PRMT1: variants seen among roughly 807,000 people sequenced by gnomAD.
The protein encoded by PRMT1 is protein arginine methyltransferase 1.
A neutral mutation model predicts 47.4 loss-of-function variants in PRMT1; 5 were observed. That is an observed-to-expected ratio of 0.11 (90% CI 0.06 to 0.22). The LOEUF (loss-of-function observed/expected upper bound fraction) is 0.22, where lower values mean the gene tolerates loss of function less well. PRMT1 is among the 10% of genes least tolerant of loss of function. The pLI, the probability that PRMT1 is intolerant of heterozygous loss-of-function variation, is 1.00. For missense variants in PRMT1, 249 were observed against 518.4 expected, an observed-to-expected ratio of 0.48 and a Z score of 5.05; for synonymous variants, 227 against 204.6, an observed-to-expected ratio of 1.11 and a Z score of -0.94.
At position 49,686,203 on chromosome 19, in the gene PRMT1, C is replaced by G; in HGVS notation, c.870C>G (p.Ile290Met). 3 of 1,611,964 alleles carry G rather than the reference C, an allele frequency of 1.9e-6. No homozygotes were observed. Among genetic ancestry groups the G allele is most frequent in the Non-Finnish European group, 2.5e-6 (3 of 1,178,996 alleles). ...YVHALVAYFN[I>M]EFTRCHKRTG... is the part of the protein sequence containing the mutation. ...ACGCCCTGGTGGCCTACTTCAACATCGAGTTCACACGCTGCCACAAGAGGA... is the reference window on the plus strand; with the variant it reads ...ACGCCCTGGTGGCCTACTTCAACATGGAGTTCACACGCTGCCACAAGAGGA... The change falls in exon 9 of 11, where the codon ATC becomes ATG. Residue 290 changes from isoleucine to methionine, a missense_variant. This residue lies in a region of PRMT1 where 190 missense variants were observed against 456.7 expected (regional missense o/e 0.42). Coordinates refer to ENST00000454376, the MANE Select transcript of PRMT1 (RefSeq NM_001536.6).
In PRMT1 at chr19:49,688,345, T is replaced by C; in HGVS notation, c.*100T>C. 1 of 1,193,056 alleles carries C rather than the reference T, an allele frequency of 8.4e-7. No homozygotes were observed. The highest frequency in any genetic ancestry group is 1.2e-6 in the Non-Finnish European group (1 of 810,666). The allele number at this position is 1,193,056 out of a possible 1,614,324, so 73.9% of individuals were successfully genotyped here. A position where few individuals can be genotyped will look rare whatever the true frequency, so the allele number is the denominator to read the frequency against. ...CCCTCCCTCCCGCAGAAGGGGGTTT[T>C]AGGGGCCTGGGCTGGGGGGATGGGG... is the stretch of plus-strand genomic sequence containing the variant. On this transcript the variant is annotated 3_prime_UTR_variant, in exon 11 of 11. Transcript: ENST00000454376. The surrounding 1 kb of genome is among the most constrained non-coding windows in gnomAD (Gnocchi z 5.3).
Position 49,680,318 on chromosome 19 carries a change from G to T in PRMT1, c.91-169G>T. The T allele has an allele frequency of 7.8e-7, 1 of 1,282,254 alleles. No individual in the cohort carries two copies. The highest frequency in any genetic ancestry group is 1.1e-6 in the Non-Finnish European group (1 of 888,828). The allele number at this position is 1,282,254 out of a possible 1,614,324, so 79.4% of individuals were successfully genotyped here. A position where few individuals can be genotyped will look rare whatever the true frequency, so the allele number is the denominator to read the frequency against. On this transcript the variant is annotated intron_variant, in intron 2 of 10. Coordinates refer to ENST00000454376, the MANE Select transcript of PRMT1 (RefSeq NM_001536.6). This position sits in a 1 kb window ranked among gnomAD's most constrained non-coding sequence, Gnocchi z 4.2. ...CTGGAAGTGGAAAATGGGGTTGTTAGGTTTTGGGGTTCCTGGGGGGGCAAG... is the reference window on the plus strand; with the variant it reads ...CTGGAAGTGGAAAATGGGGTTGTTATGTTTTGGGGTTCCTGGGGGGGCAAG...
At chr19:49,683,667 G>T (rs2082157502) in intron 5 of PRMT1, 1 of 352,534 alleles carries the variant, frequency 2.8e-6, no homozygotes, top group Middle Eastern at 9.1e-4. Context: ...CAGCCTGGGT[G>T]ACAGAGCAAG....
upstream of PRMT1, among the ~76,000 whole-genome samples, chr19:49,676,894 A>T (rs2122915736): frequency 6.6e-6 from 1 of 152,224 alleles, no homozygotes; most frequent in South Asian, 2.1e-4. Context: ...TTGGTGATGG[A>T]CAGGTGTTTC....
At position 49,685,885 on chromosome 19, in the gene PRMT1, A is replaced by G. The variant is rs2082197327; in HGVS notation, c.760-208A>G. 1 of 1,400,930 alleles carries G rather than the reference A, an allele frequency of 7.1e-7. No individual in the cohort carries two copies. The highest frequency in any genetic ancestry group is 3.1e-5 in the Admixed American group (1 of 31,954). The allele number at this position is 1,400,930 out of a possible 1,614,324, so 86.8% of individuals were successfully genotyped here. ...TTTGGGTGTTGGAGAGGAGGGAGCA[A>G]GGAATCTGGGCTCGAACCCACATGG... On this transcript the variant is annotated intron_variant, in intron 8 of 10. Transcript: ENST00000454376. This position sits in a 1 kb window ranked among gnomAD's most constrained non-coding sequence, Gnocchi z 4.7.
chr19:49,685,988 G>C lies in PRMT1; in HGVS notation c.760-105G>C. The stretch of plus-strand genomic sequence containing the variant: ...GGTGCCAGTGAGGGAGGGCTAGCAG[G>C]AAGGGGACAGCGAGGTCACAGGCCC... On this transcript the variant is annotated intron_variant, in intron 8 of 10. Coordinates refer to ENST00000454376, the MANE Select transcript of PRMT1 (RefSeq NM_001536.6). This position sits in a 1 kb window ranked among gnomAD's most constrained non-coding sequence, Gnocchi z 4.7. 1 of 1,515,042 alleles carries C rather than the reference G, an allele frequency of 6.6e-7. No individual in the cohort carries two copies. The highest frequency in any genetic ancestry group is 1.3e-5 in the South Asian group (1 of 76,644). The allele number at this position is 1,515,042 out of a possible 1,614,324, so 93.8% of individuals were successfully genotyped here.
chr19:49,676,784 C>G (rs1212209411), upstream of PRMT1, among the ~76,000 whole-genome samples: 1 of 152,190 alleles, frequency 6.6e-6, no homozygotes, highest in Admixed American at 6.5e-5. Flanking sequence ...GGCCAATTGC[C>G]GTGTTCTCCT....
intron 9 of PRMT1, 78 bp downstream of exon 9, chr19:49,686,321 G>C: frequency 1.7e-5 from 25 of 1,483,074 alleles, no homozygotes; most frequent in Non-Finnish European, 2.3e-5. Context: ...GGGGGTGACA[G>C]AAACGGGCAG....
chr19:49,679,949 C>A, intron 2 of PRMT1, 24 bp downstream of exon 2: 1 of 1,595,966 alleles, frequency 6.3e-7, no homozygotes, highest in East Asian at 2.2e-5. Context: ...TGTGAGACCC[C>A]TCCCCACCCT....
At chr19:49,677,146 G>C (rs2082045931), upstream of PRMT1, 2 of 769,826 alleles carry the variant, frequency 2.6e-6, no homozygotes. Context: ...CAGACGGGCC[G>C]CCTCCATTGC....
chr19:49,687,078 A>T (rs1393645905), intron 10 of PRMT1, among the ~76,000 whole-genome samples: 1 of 152,120 alleles, frequency 6.6e-6, no homozygotes, highest in Non-Finnish European at 1.5e-5. Flanking sequence ...AGCAGGGCAG[A>T]CAGGTGTTGG....
chr19:49,681,089 G>A lies in PRMT1; in HGVS notation c.192+501G>A, dbSNP rs1599941250. Among the ~76,000 whole-genome samples, 1 of 152,120 alleles carries A rather than the reference G, an allele frequency of 6.6e-6. No homozygotes were observed. On this transcript the variant is annotated intron_variant, in intron 3 of 10. Transcript: ENST00000454376. The surrounding 1 kb of genome is among the most constrained non-coding windows in gnomAD (Gnocchi z 4.4). ...TTTTTAGAGACGGTCTCGCTCTGTC[G>A]CCCAGGCTAGAGTGCATTGGTGCAA...
In PRMT1 at chr19:49,686,107, T is replaced by C. The variant is rs769734329; in HGVS notation, c.774T>C (p.Tyr258=). Residue 258 remains tyrosine, a synonymous_variant, in exon 9 of 11, where the codon TAT becomes TAC. Coordinates refer to ENST00000454376, the MANE Select transcript of PRMT1 (RefSeq NM_001536.6). ...ATGTCCTGCAGGAGGTGGACATCTA[T>C]ACCGTCAAGGTGGAAGACCTGACCT... is the stretch of plus-strand genomic sequence containing the variant. ...NACLIKEVDI[Y]TVKVEDLTFT... 1 of 1,613,844 alleles carries C rather than the reference T, an allele frequency of 6.2e-7. No individual in the cohort carries two copies. Among genetic ancestry groups the C allele is most frequent in the Non-Finnish European group, 8.5e-7 (1 of 1,179,826 alleles).
rs1568488848 is a variant in PRMT1, at chr19:49,685,498, T to G, written c.759+461T>G. 1 of 1,022,170 alleles carries G rather than the reference T, an allele frequency of 9.8e-7. No individual in the cohort carries two copies. Among genetic ancestry groups the G allele is most frequent in the Non-Finnish European group, 1.2e-6 (1 of 851,984 alleles). 63.3% of individuals were successfully genotyped at this position (1,022,170 alleles called of 1,614,324 possible). A position where few individuals can be genotyped will look rare whatever the true frequency, so the allele number is the denominator to read the frequency against. ...GCACTCCAGCTTTGGTGACAATGTT[T>G]TGTTTTGTTTTTTCCTTTTGTTTTT... On this transcript the variant is annotated intron_variant, in intron 8 of 10. Transcript: ENST00000454376. The surrounding 1 kb of genome is among the most constrained non-coding windows in gnomAD (Gnocchi z 4.7).
At position 49,684,826 on chromosome 19, in the gene PRMT1, G is replaced by C; in HGVS notation, c.628G>C (p.Asp210His). 6.2e-7 allele frequency: 1 copy of C among 1,609,638 alleles called. No homozygotes were observed. The highest frequency in any genetic ancestry group is 8.5e-7 in the Non-Finnish European group (1 of 1,177,906). ...GGCCATCGAGGACCGGCAGTACAAA[G>C]ACTACAAGATCCACTGTGAGCGCGG... ...VTAIEDRQYK[D>H]YKIHWWENVY... The change falls in exon 7 of 11, where the codon GAC becomes CAC. Residue 210 changes from aspartate to histidine, a missense_variant. Coordinates refer to ENST00000454376, the MANE Select transcript of PRMT1 (RefSeq NM_001536.6). This position sits in a 1 kb window ranked among gnomAD's most constrained non-coding sequence, Gnocchi z 6.2.
Position 49,680,338 on chromosome 19 carries a change from G to T in PRMT1, c.91-149G>T, listed in dbSNP as rs962208391. ...TGTTAGGTTTTGGGGTTCCTGGGGG[G>T]GCAAGATGGCAGGCGGGGGCTGTAG... On this transcript the variant is annotated intron_variant, in intron 2 of 10. Transcript: ENST00000454376. The surrounding 1 kb of genome is among the most constrained non-coding windows in gnomAD (Gnocchi z 4.2). 9.5e-7 allele frequency: 1 copy of T among 1,048,214 alleles called. No homozygotes were observed. Among genetic ancestry groups the T allele is most frequent in the Admixed American group, 1.9e-5 (1 of 52,112 alleles). The allele number at this position is 1,048,214 out of a possible 1,614,324, so 64.9% of individuals were successfully genotyped here. A position where few individuals can be genotyped will look rare whatever the true frequency, so the allele number is the denominator to read the frequency against.
chr19:49,686,558 T>TGGGGGGGGTGG, intron 9 of PRMT1, 47 bp from the exon 10 acceptor site: 1 of 635,354 alleles, frequency 1.6e-6, no homozygotes, highest in Non-Finnish European at 2.4e-6. Flanking sequence ...AGGGTGGGGT[T>TGGGGGGGGTGG]GGGGGGGGCA....
upstream of PRMT1, chr19:49,677,261 A>G (rs200221062): frequency 1.8e-5 from 26 of 1,417,252 alleles, no homozygotes; most frequent in East Asian, 2.8e-5. Flanking sequence ...CGGCCGGAGG[A>G]GGAGTAGGTG....
At chr19:49,678,482 C>T (rs1344132309) in intron 1 of PRMT1, among the ~76,000 whole-genome samples, 1 of 152,102 alleles carries the variant, frequency 6.6e-6, no homozygotes, top group Non-Finnish European at 1.5e-5. Flanking sequence ...GAGTGGGAAA[C>T]CCCCTCAGCA....
Sources: allele counts gnomAD v4.1 joint callset (sites outside exome capture counted in the v4.1 genomes callset), GRCh38; gene constraint gnomAD v4.1.1; regional missense constraint gnomAD v4.1.1; non-coding constraint Gnocchi (gnomAD v3.1); transcripts MANE v1.5; gene names NCBI Gene and HGNC (gene_info 2026-07-23, HGNC 2026-07-21).